The following KIAA1549 variants were observed in gnomAD, a reference collection of about 807,000 sequenced individuals.
KIAA1549 encodes KIAA1549, also known as UPF0606 protein KIAA1549.
In KIAA1549, 70 loss-of-function variants were observed where a neutral mutation model predicts 156.4. The ratio of observed to expected loss-of-function variants is 0.45; its 90% CI spans 0.37 to 0.55. The LOEUF is 0.55. Ranked by LOEUF, KIAA1549 falls within the 20% of genes least tolerant of loss-of-function variation. The probability of loss-of-function intolerance (pLI) is 0.00; values close to 1 mark genes in which losing one functional copy is unlikely to be tolerated. For missense variants in KIAA1549, 2,428 were observed against 2,540.9 expected (o/e 0.96, Z 0.96); for synonymous variants, 1,103 against 1,066.4 (o/e 1.03, Z -0.67).
chr7:138,911,177 A>G lies in KIAA1549; in HGVS notation c.3114T>C (p.Leu1038=), dbSNP rs373226906. ...GAACTTGGAACCTGGACTCTGGCAC[A>G]AGGAAAGAAGGTTTCACAGACAGGA... ...PLILSVKPSF[L]VPESRFQVQT... Residue 1038 remains leucine, a synonymous_variant, in exon 4 of 20, where the codon CTT becomes CTC. Coordinates refer to ENST00000422774, the MANE Select transcript of KIAA1549 (RefSeq NM_001164665.2). 2.4e-5 allele frequency: 39 copies of G among 1,598,704 alleles called. No homozygotes were observed. The highest frequency in any genetic ancestry group is 3.2e-5 in the Non-Finnish European group (38 of 1,172,720).
At chr7:138,928,187 C>T (rs2130500232) in intron 1 of KIAA1549, among the ~76,000 whole-genome samples, 1 of 152,282 alleles carries the variant, frequency 6.6e-6, no homozygotes, top group Middle Eastern at 3.4e-3. Context: ...TCCCAAAGTG[C>T]TGGGATTATA....
At chr7:138,852,372 G>T (rs1435804864) in intron 16 of KIAA1549, 103 bp from the exon 17 acceptor site, 22 of 767,978 alleles carry the variant, frequency 2.9e-5, no homozygotes, top group Non-Finnish European at 1.6e-5. Context: ...ACTTTCAAGA[G>T]AATTATTTTC....
At chr7:138,912,818 G>A (rs1213506254) in intron 2 of KIAA1549, among the ~76,000 whole-genome samples, 2 of 152,270 alleles carry the variant, frequency 1.3e-5, no homozygotes, top group Middle Eastern at 3.4e-3. Context: ...ATTCCAGGCT[G>A]TCTCTCGGCT....
chr7:138,898,936 C>T lies in KIAA1549; in HGVS notation c.3847+19G>A, dbSNP rs1811764740. Reference sequence around the variant, plus strand: ...GCCCAGCACAGCACAGCACAGACGACAACACCTCAGGCACTTACGCTGGGC... The same window carrying T: ...GCCCAGCACAGCACAGCACAGACGATAACACCTCAGGCACTTACGCTGGGC... On this transcript the variant is annotated intron_variant, in intron 9 of 19. Transcript: ENST00000422774. 6.2e-7 allele frequency: 1 copy of T among 1,613,114 alleles called. No homozygotes were observed. The highest frequency in any genetic ancestry group is 1.7e-5 in the Admixed American group (1 of 60,002).
intron 1 of KIAA1549, among the ~76,000 whole-genome samples, chr7:138,939,505 C>T (rs1031429249): frequency 6.6e-6 from 1 of 152,148 alleles, no homozygotes; most frequent in Non-Finnish European, 1.5e-5. Flanking sequence ...CTATATTTGG[C>T]TGACTATATT....
chr7:138,914,099 G>C (rs1315471861), intron 2 of KIAA1549, among the ~76,000 whole-genome samples: 1 of 152,050 alleles, frequency 6.6e-6, no homozygotes, highest in Non-Finnish European at 1.5e-5. Flanking sequence ...AGAATGGGAA[G>C]TCAGAAACAG....
intron 1 of KIAA1549, among the ~76,000 whole-genome samples, chr7:138,950,215 A>G (rs1344317025): frequency 6.6e-6 from 1 of 152,326 alleles, no homozygotes. Flanking sequence ...GTATACTTAC[A>G]AATACTCATA....
Position 138,894,853 on chromosome 7 carries a change from T to A in KIAA1549, c.3848-327A>T, listed in dbSNP as rs1811640302. Among the ~76,000 whole-genome samples, 3 of 152,184 alleles carry A rather than the reference T, an allele frequency of 2.0e-5. No individual in the cohort carries two copies. In the South Asian group the frequency reaches 6.2e-4, roughly 32 times the overall value. On this transcript the variant is annotated intron_variant, in intron 9 of 19. Transcript: ENST00000422774. ...CCCGTAACTTATCACTGCAGGATAT[T>A]TCCACACCAAAACTGGTTCTGCACA...
intron 10 of KIAA1549, among the ~76,000 whole-genome samples, chr7:138,891,497 T>G (rs1444069065): frequency 6.6e-6 from 1 of 152,300 alleles, no homozygotes; most frequent in East Asian, 1.9e-4. Flanking sequence ...AAAGAAAGCA[T>G]GGGGTTTTCT....
Position 138,899,152 on chromosome 7 carries a change from A to G in KIAA1549, c.3670-20T>C. On this transcript the variant is annotated intron_variant, in intron 8 of 19. Transcript: ENST00000422774. ...TACCACCTGAAAGATAGCAGAAACC[A>G]TTCACATTGCAGAAGCTCATGTTTC... 3 of 1,610,178 alleles carry G rather than the reference A, an allele frequency of 1.9e-6. No homozygotes were observed. Among genetic ancestry groups the G allele is most frequent in the Non-Finnish European group, 2.5e-6 (3 of 1,176,804 alleles).
intron 1 of KIAA1549, among the ~76,000 whole-genome samples, chr7:138,962,113 A>C (rs1303622596): frequency 4.6e-5 from 7 of 152,150 alleles, no homozygotes; most frequent in Non-Finnish European, 8.8e-5. Flanking sequence ...TCATCTCCTT[A>C]TAATTGTACT....
chr7:138,895,783 A>C (rs1358597477), intron 9 of KIAA1549, among the ~76,000 whole-genome samples: 1 of 152,150 alleles, frequency 6.6e-6, no homozygotes, highest in African/African-American at 2.4e-5. Flanking sequence ...CACTGTGTTA[A>C]TTTGGAAACT....
In KIAA1549 at chr7:138,950,652, C is replaced by T. The variant is rs144827662; in HGVS notation, c.187+30431G>A. On this transcript the variant is annotated intron_variant, in intron 1 of 19. Coordinates refer to ENST00000422774, the MANE Select transcript of KIAA1549 (RefSeq NM_001164665.2). ...TTTGCTGCAAAAGGGACGCATCTTC[C>T]ATGCTGCTTCCAGGCACTGTTCCCA... Among the ~76,000 whole-genome samples the T allele has an allele frequency of 3.6e-3, 542 of 152,350 alleles. 2 individuals are homozygous for T. The highest frequency in any genetic ancestry group is 5.0e-3 in the Admixed American group (77 of 15,304).
intron 1 of KIAA1549, among the ~76,000 whole-genome samples, chr7:138,937,600 G>A (rs1813054476): frequency 1.3e-5 from 2 of 152,194 alleles, no homozygotes; most frequent in African/African-American, 4.8e-5. Flanking sequence ...CTCAGGAAAG[G>A]ATGAGGAGCC....
intron 1 of KIAA1549, among the ~76,000 whole-genome samples, chr7:138,932,742 G>A (rs1812907042): frequency 6.6e-6 from 1 of 152,120 alleles, no homozygotes; most frequent in Admixed American, 6.5e-5. Flanking sequence ...TCACCCGGGA[G>A]TGTTTTGGAA....
chr7:138,918,965 C>T lies in KIAA1549; in HGVS notation c.661G>A (p.Ala221Thr). 6.2e-7 allele frequency: 1 copy of T among 1,614,016 alleles called. No individual in the cohort carries two copies. Among genetic ancestry groups the T allele is most frequent in the South Asian group, 1.1e-5 (1 of 91,084 alleles). ...GWQNTTRQPA[A>T]YAESASHFHT... Reference sequence around the variant, plus strand: ...AAATGACTGGCGGACTCAGCATATGCCGCTGGTTGTCGCGTTGTGTTCTGC... The same window carrying T: ...AAATGACTGGCGGACTCAGCATATGTCGCTGGTTGTCGCGTTGTGTTCTGC... The change falls in exon 2 of 20, where the codon GCA becomes ACA. Residue 221 changes from alanine to threonine, a missense_variant. Physicochemically the swap from Ala to Thr is moderately conservative, Grantham distance 58. Coordinates refer to ENST00000422774, the MANE Select transcript of KIAA1549 (RefSeq NM_001164665.2). The surrounding 1 kb of genome is among the most constrained non-coding windows in gnomAD (Gnocchi z 4.2).
At chr7:138,899,677 C>A (rs554715470) in intron 8 of KIAA1549, among the ~76,000 whole-genome samples, 1 of 152,224 alleles carries the variant, frequency 6.6e-6, no homozygotes, top group South Asian at 2.1e-4. Context: ...CTCTACCCAC[C>A]AGGTACCCCC....
intron 10 of KIAA1549, among the ~76,000 whole-genome samples, chr7:138,892,224 G>C (rs1195134826): frequency 1.3e-5 from 2 of 152,204 alleles, no homozygotes; most frequent in East Asian, 3.8e-4. Context: ...AAAATGTTTA[G>C]GAAGTAAAAG....
chr7:138,904,872 T>A, intron 7 of KIAA1549, 150 bp downstream of exon 7: 1 of 581,036 alleles, frequency 1.7e-6, no homozygotes, highest in Admixed American at 3.2e-5. Context: ...CACAGCCAAA[T>A]TTGAATCCCT....
Sources: allele counts gnomAD v4.1 joint callset (sites outside exome capture counted in the v4.1 genomes callset), GRCh38; gene constraint gnomAD v4.1.1; non-coding constraint Gnocchi (gnomAD v3.1); transcripts MANE v1.5; gene names NCBI Gene and HGNC (gene_info 2026-07-23, HGNC 2026-07-21).